Variants in LPAR3 observed in about 807,000 individuals in gnomAD.
The protein encoded by LPAR3 is lysophosphatidic acid receptor 3, also known as LPA receptor 3.
Under a neutral mutation model 17.8 loss-of-function variants are expected in LPAR3, and 7 were observed. The ratio of observed to expected loss-of-function variants is 0.39; its 90% CI spans 0.22 to 0.74. The LOEUF (loss-of-function observed/expected upper bound fraction) is 0.74, where lower values mean the gene tolerates loss of function less well. Among genes scored for constraint, LPAR3 ranks in the 30% least tolerant of loss-of-function variants. The probability of loss-of-function intolerance (pLI) is 0.40; values close to 1 mark genes in which losing one functional copy is unlikely to be tolerated. For synonymous variants in LPAR3, 179 were observed against 179.9 expected, an observed-to-expected ratio of 0.99 and a Z score of 0.04; for missense variants, 391 against 453.4, an observed-to-expected ratio of 0.86 and a Z score of 1.25.
chr1:84,862,900 G>A (rs970873326), intron 2 of LPAR3, among the ~76,000 whole-genome samples: 15 of 152,224 alleles, frequency 9.9e-5, no homozygotes, highest in African/African-American at 3.6e-4. Context: ...AACCACAAAA[G>A]TTCTTGTCTG....
intron 2 of LPAR3, among the ~76,000 whole-genome samples, chr1:84,834,945 T>C (rs1659366614): frequency 1.3e-5 from 2 of 152,222 alleles, no homozygotes; most frequent in African/African-American, 2.4e-5. Context: ...GAAAAGTCTT[T>C]TGACAATGAG....
chr1:84,854,889 C>T (rs1461372902), intron 2 of LPAR3, among the ~76,000 whole-genome samples: 1 of 152,194 alleles, frequency 6.6e-6, no homozygotes, highest in Non-Finnish European at 1.5e-5. Flanking sequence ...AGAGCTGCAG[C>T]CACAATGCTG....
At chr1:84,858,328 A>C (rs1659868341) in intron 2 of LPAR3, among the ~76,000 whole-genome samples, 2 of 152,004 alleles carry the variant, frequency 1.3e-5, no homozygotes, top group African/African-American at 4.8e-5. Flanking sequence ...CTAAAAACAT[A>C]AGAAAAGTAG....
chr1:84,889,926 T>A (rs950901986), intron 1 of LPAR3, among the ~76,000 whole-genome samples: 3 of 152,202 alleles, frequency 2.0e-5, no homozygotes, highest in African/African-American at 7.2e-5. Context: ...TTATCCCCAC[T>A]ATATAAATGA....
chr1:84,823,962 A>G (rs1659101918), intron 2 of LPAR3, among the ~76,000 whole-genome samples: 1 of 152,220 alleles, frequency 6.6e-6, no homozygotes, highest in African/African-American at 2.4e-5. Flanking sequence ...CTTTGGATTC[A>G]GAAGTCCTCT....
At chr1:84,857,577 G>A (rs770271160) in intron 2 of LPAR3, among the ~76,000 whole-genome samples, 3 of 152,202 alleles carry the variant, frequency 2.0e-5, no homozygotes, top group Non-Finnish European at 2.9e-5. Context: ...GCTGTCACTA[G>A]CATGCTGCAA....
rs776437400 is a variant in LPAR3 at position 84,866,080 on chromosome 1, T to C, written c.41A>G (p.Tyr14Cys). ...GACAGTATCAGTGTTGCTCCTATTA[T>C]AAAAAAAGTCCATGTGCTTGTCATA... ...CHYDKHMDFFYNRSNTDTVDD... is the reference protein window; with the variant it reads ...CHYDKHMDFFCNRSNTDTVDD... Residue 14 changes from tyrosine (Y) to cysteine (C), a missense_variant, in exon 2 of 3, where the codon TAT becomes TGT. Coordinates refer to ENST00000370611, the MANE Select transcript of LPAR3 (RefSeq NM_012152.3). 1.4e-5 allele frequency: 22 copies of C among 1,600,872 alleles called. No individual in the cohort carries two copies. The East Asian group carries it at 4.5e-4, about 32-fold the overall frequency.
intron 1 of LPAR3, among the ~76,000 whole-genome samples, chr1:84,880,833 G>C (rs1293130827): frequency 6.6e-6 from 1 of 152,224 alleles, no homozygotes; most frequent in Non-Finnish European, 1.5e-5. Context: ...AGAGGGTACA[G>C]AAGAAGGAAG....
intron 1 of LPAR3, among the ~76,000 whole-genome samples, chr1:84,881,491 A>G (rs1036273378): frequency 6.6e-6 from 1 of 152,232 alleles, no homozygotes; most frequent in Non-Finnish European, 1.5e-5. Flanking sequence ...AGAAGGTTAG[A>G]TAACTCAAAA....
chr1:84,847,346 G>A (rs758186444), intron 2 of LPAR3, among the ~76,000 whole-genome samples: 2 of 152,308 alleles, frequency 1.3e-5, no homozygotes, highest in South Asian at 2.1e-4. Flanking sequence ...TGGATCACTG[G>A]ATTAGAAACC....
intron 1 of LPAR3, among the ~76,000 whole-genome samples, chr1:84,868,421 AT>A (rs1262145349): frequency 6.6e-6 from 1 of 152,140 alleles, no homozygotes; most frequent in Admixed American, 6.5e-5. Flanking sequence ...GAGAGATCAT[AT>A]TTTTAATTCT....
intron 2 of LPAR3, among the ~76,000 whole-genome samples, chr1:84,849,357 G>C (rs750747470): frequency 1.7e-5 from 2 of 116,788 alleles, no homozygotes; most frequent in Non-Finnish European, 1.6e-5. Flanking sequence ...CCTGGTGACA[G>C]AGTGAGACTC....
At chr1:84,857,627 T>A (rs1264543537) in intron 2 of LPAR3, among the ~76,000 whole-genome samples, 2 of 152,198 alleles carry the variant, frequency 1.3e-5, no homozygotes, top group Non-Finnish European at 2.9e-5. Context: ...TGAAAGAGCA[T>A]GTGACTTTAC....
rs1192046796 is a variant in LPAR3, at chr1:84,811,975, A to G, written c.*1871T>C. 1 of 152,162 alleles carries G rather than the reference A, an allele frequency of 6.6e-6. No homozygotes were observed. The highest frequency in any genetic ancestry group is 6.5e-5 in the Admixed American group (1 of 15,282). 9.4% of individuals were successfully genotyped at this position (152,162 alleles called of 1,614,324 possible). On this transcript the variant is annotated 3_prime_UTR_variant, in exon 3 of 3. Coordinates refer to ENST00000370611, the MANE Select transcript of LPAR3 (RefSeq NM_012152.3). ...TAACTACTTGTCTTTCATGTTGCCT[A>G]CTTAGGTCTCTGAAGGAGAAAAATT...
At chr1:84,892,216 A>G (rs553080901) in intron 1 of LPAR3, among the ~76,000 whole-genome samples, 1 of 72,624 alleles carries the variant, frequency 1.4e-5, no homozygotes, top group Admixed American at 1.2e-4. Flanking sequence ...GTGTCTCAAA[A>G]ATAAATAAAT....
intron 2 of LPAR3, among the ~76,000 whole-genome samples, chr1:84,858,190 A>T (rs1659864252): frequency 1.3e-5 from 2 of 152,164 alleles, no homozygotes; most frequent in South Asian, 4.1e-4. Flanking sequence ...AAATTATAAG[A>T]TAAAACAAGG....
At chr1:84,885,762 A>T (rs1660449548) in intron 1 of LPAR3, among the ~76,000 whole-genome samples, 1 of 152,234 alleles carries the variant, frequency 6.6e-6, no homozygotes, top group Non-Finnish European at 1.5e-5. Flanking sequence ...GGTGGTGGAC[A>T]CAGAGGAGGC....
At chr1:84,827,514 C>A (rs564900337) in intron 2 of LPAR3, among the ~76,000 whole-genome samples, 4 of 151,616 alleles carry the variant, frequency 2.6e-5, no homozygotes, top group African/African-American at 9.8e-5. Flanking sequence ...ACTGCTCACA[C>A]CTCTGTCTTT....
chr1:84,879,382 G>T (rs1161020458), intron 1 of LPAR3, among the ~76,000 whole-genome samples: 1 of 146,560 alleles, frequency 6.8e-6, no homozygotes, highest in African/African-American at 2.6e-5. Context: ...CGCGATCTAG[G>T]CTCACTGCAA....
Sources: gnomAD v4.1 joint callset for allele counts (sites outside exome capture counted in the v4.1 genomes callset) on GRCh38, gnomAD v4.1.1 for gene constraint, MANE v1.5 for transcripts, NCBI Gene and HGNC (gene_info 2026-07-23, HGNC 2026-07-21) for gene names.